The following NOCT variants were observed in gnomAD, a reference collection of about 807,000 sequenced individuals.
NOCT encodes the protein CCR4 carbon catabolite repression 4-like.
In NOCT, 18 loss-of-function variants were observed where a neutral mutation model predicts 35.0. The ratio of observed to expected loss-of-function variants is 0.51; its 90% CI spans 0.36 to 0.76. The LOEUF (loss-of-function observed/expected upper bound fraction) is 0.76, where lower values mean the gene tolerates loss of function less well. Among genes scored for constraint, NOCT ranks in the 30% least tolerant of loss-of-function variants. The probability of loss-of-function intolerance (pLI) is 0.01; values close to 1 mark genes in which losing one functional copy is unlikely to be tolerated. For missense variants in NOCT, 479 were observed against 541.0 expected (o/e 0.89, Z 1.14); for synonymous variants, 235 against 226.3 (o/e 1.04, Z -0.34).
intron 1 of NOCT, among the ~76,000 whole-genome samples, chr4:139,022,542 C>T (rs1726436878): frequency 6.6e-6 from 1 of 152,108 alleles, no homozygotes; most frequent in Admixed American, 6.5e-5. Context: ...CTGACATAGG[C>T]TCCGGGTAGA....
At chr4:139,031,839 A>G (rs1726629977) in intron 1 of NOCT, among the ~76,000 whole-genome samples, 1 of 151,910 alleles carries the variant, frequency 6.6e-6, no homozygotes, top group Non-Finnish European at 1.5e-5. Flanking sequence ...CAGCCTCCCA[A>G]GTAGCTGGGA....
rs764569893 is a variant in NOCT at position 139,045,007 on chromosome 4, G to C, written c.829G>C (p.Gly277Arg). 8.1e-6 allele frequency: 13 copies of C among 1,614,256 alleles called. No individual in the cohort carries two copies. The highest frequency in any genetic ancestry group is 1.1e-5 in the Non-Finnish European group (13 of 1,180,046). ...IAQTLECKES[G>R]RQFCIAVTHL... is the part of the protein sequence containing the mutation. ...ACAGACCCTGGAGTGCAAGGAGTCA[G>C]GCCGACAGTTCTGCATCGCTGTTAC... Residue 277 changes from glycine (G) to arginine (R), a missense_variant, in exon 3 of 3, where the codon GGC becomes CGC. Gly to Arg is a moderately radical substitution (Grantham distance 125). Coordinates refer to ENST00000280614, the MANE Select transcript of NOCT (RefSeq NM_012118.4).
intron 1 of NOCT, among the ~76,000 whole-genome samples, chr4:139,017,845 G>A (rs1199931731): frequency 6.6e-6 from 1 of 152,036 alleles, no homozygotes; most frequent in African/African-American, 2.4e-5. Flanking sequence ...TTTAAAAATG[G>A]TCATCTGGAA....
chr4:139,015,932 G>A lies in NOCT; in HGVS notation c.-50G>A. ...GACTCGGTGCCCTCGGCCCCAGCCG[G>A]GCTCCGCTCCTCGGGCGCGCGAGGG... On this transcript the variant is annotated 5_prime_UTR_variant, in exon 1 of 3. Coordinates refer to ENST00000280614, the MANE Select transcript of NOCT (RefSeq NM_012118.4). 7.8e-7 allele frequency: 1 copy of A among 1,288,254 alleles called. No homozygotes were observed. Among genetic ancestry groups the A allele is most frequent in the East Asian group, 3.3e-5 (1 of 30,564 alleles). The allele number at this position is 1,288,254 out of a possible 1,614,324, so 79.8% of individuals were successfully genotyped here. A position where few individuals can be genotyped will look rare whatever the true frequency, so the allele number is the denominator to read the frequency against.
At chr4:139,028,545 G>A (rs541920482) in intron 1 of NOCT, among the ~76,000 whole-genome samples, 24 of 152,366 alleles carry the variant, frequency 1.6e-4, no homozygotes, top group African/African-American at 5.8e-4. Context: ...TGGAGGAGGT[G>A]CAACTCGACC....
In NOCT at chr4:139,045,281, C is replaced by T. The variant is rs757896028; in HGVS notation, c.1103C>T (p.Thr368Ile). 18 of 1,614,118 alleles carry T rather than the reference C, an allele frequency of 1.1e-5. No homozygotes were observed. In the South Asian group the frequency reaches 1.5e-4, roughly 14 times the overall value. Residue 368 changes from threonine to isoleucine, a missense_variant, in exon 3 of 3, where the codon ACC becomes ATC. By Grantham distance (89) the Thr-to-Ile change is moderately conservative. Around this residue, in one of 2 missense-constraint regions of NOCT, gnomAD observed 214 missense variants for 284.0 expected, o/e 0.75. Coordinates refer to ENST00000280614, the MANE Select transcript of NOCT (RefSeq NM_012118.4). ...EPPYTTWKIR[T>I]SGECRHTLDY... ...CCATACACTACCTGGAAGATCCGGACCTCAGGGGAGTGCAGGCACACCCTG... is the reference window on the plus strand; with the variant it reads ...CCATACACTACCTGGAAGATCCGGATCTCAGGGGAGTGCAGGCACACCCTG...
chr4:139,022,138 A>G (rs1160130259), intron 1 of NOCT, among the ~76,000 whole-genome samples: 1 of 152,224 alleles, frequency 6.6e-6, no homozygotes, highest in Non-Finnish European at 1.5e-5. Flanking sequence ...TTTGAAGGAC[A>G]GTGTGCCTGG....
intron 1 of NOCT, among the ~76,000 whole-genome samples, chr4:139,040,127 G>A (rs1726810034): frequency 1.4e-5 from 2 of 145,828 alleles, no homozygotes; most frequent in East Asian, 2.1e-4. Context: ...TGCAAGCTCC[G>A]CCTCCCGGGA....
Position 139,016,119 on chromosome 4 carries a change from G to T in NOCT, c.138G>T (p.Leu46=). The T allele has an allele frequency of 7.7e-7, 1 of 1,305,310 alleles. No individual in the cohort carries two copies. The highest frequency in any genetic ancestry group is 9.7e-7 in the Non-Finnish European group (1 of 1,027,626). 80.9% of individuals were successfully genotyped at this position (1,305,310 alleles called of 1,614,324 possible). The change falls in exon 1 of 3, where the codon CTG becomes CTT. Residue 46 remains leucine (L), a synonymous_variant. Transcript: ENST00000280614. ...AAVPRPASPR[L]LAAASAASGA... is the part of the protein sequence containing the mutation. ...TTCCCAGGCCCGCATCCCCCCGGCT[G>T]CTGGCGGCGGCCTCGGCGGCCTCGG...
intron 1 of NOCT, among the ~76,000 whole-genome samples, chr4:139,036,543 C>G (rs1354366675): frequency 6.6e-6 from 1 of 152,160 alleles, no homozygotes; most frequent in African/African-American, 2.4e-5. Flanking sequence ...TTTTCGAAGT[C>G]CTTTTCTGGT....
rs1578633741 is a variant in NOCT, at chr4:139,042,069, A to C, written c.191-1005A>C. Among the ~76,000 whole-genome samples, 3 of 98,668 alleles carry C rather than the reference A, an allele frequency of 3.0e-5. No homozygotes were observed. In the South Asian group the frequency reaches 1.0e-3, roughly 33 times the overall value. The allele number at this position is 98,668 out of a possible 152,430, so 64.7% of individuals were successfully genotyped here. On this transcript the variant is annotated intron_variant, in intron 1 of 2. Transcript: ENST00000280614. ...CACTTTTTACAAACTAGTCTTTAAG[A>C]TCTTTTTTTTTTTTTTTTTTTTGAG...
At chr4:139,037,913 A>C (rs1726763266) in intron 1 of NOCT, among the ~76,000 whole-genome samples, 1 of 151,734 alleles carries the variant, frequency 6.6e-6, no homozygotes, top group Non-Finnish European at 1.5e-5. Flanking sequence ...GGAAAAAAAA[A>C]AAAAAGGCTG....
chr4:139,026,250 C>T (rs1404393220), intron 1 of NOCT, among the ~76,000 whole-genome samples: 7 of 151,992 alleles, frequency 4.6e-5, no homozygotes, highest in African/African-American at 1.4e-4. Context: ...TACAGGCATG[C>T]GCTACCACGC....
At chr4:139,016,599 T>C (rs906066294) in intron 1 of NOCT, among the ~76,000 whole-genome samples, 1 of 151,832 alleles carries the variant, frequency 6.6e-6, no homozygotes, top group Non-Finnish European at 1.5e-5. Flanking sequence ...ATTAAGTTTT[T>C]TTTTTAAGTC....
chr4:139,028,188 G>A (rs549642877), intron 1 of NOCT: 2 of 152,236 alleles, frequency 1.3e-5, no homozygotes, highest in Non-Finnish European at 2.9e-5. Context: ...TCAGCCAATA[G>A]ACAATTGAGC....
At chr4:139,022,525 G>A (rs1229412009) in intron 1 of NOCT, among the ~76,000 whole-genome samples, 3 of 152,252 alleles carry the variant, frequency 2.0e-5, no homozygotes, top group Admixed American at 2.0e-4. Flanking sequence ...CTGAGCATCT[G>A]CTGATTCTGA....
intron 1 of NOCT, among the ~76,000 whole-genome samples, chr4:139,038,255 G>C (rs1259381426): frequency 6.6e-6 from 1 of 151,908 alleles, no homozygotes; most frequent in Non-Finnish European, 1.5e-5. Flanking sequence ...GGTCTAGAGA[G>C]TTGTGGCACA....
At position 139,045,247 on chromosome 4, in the gene NOCT, T is replaced by A; in HGVS notation, c.1069T>A (p.Ser357Thr). ...AYKLLSADGQ[S>T]EPPYTTWKIR... Reference sequence around the variant, plus strand: ...CAAGCTGCTGAGTGCTGATGGGCAGTCAGAACCCCCATACACTACCTGGAA... The same window carrying A: ...CAAGCTGCTGAGTGCTGATGGGCAGACAGAACCCCCATACACTACCTGGAA... Residue 357 changes from serine (S) to threonine (T), a missense_variant, in exon 3 of 3, where the codon TCA becomes ACA. Physicochemically the swap from Ser to Thr is moderately conservative, Grantham distance 58 (BLOSUM62 1). This residue lies in a region of NOCT where 214 missense variants were observed against 284.0 expected (regional missense o/e 0.75). Transcript: ENST00000280614. The A allele has an allele frequency of 5.0e-6, 8 of 1,614,130 alleles. No homozygotes were observed. Among genetic ancestry groups the A allele is most frequent in the Non-Finnish European group, 6.8e-6 (8 of 1,180,024 alleles).
rs1003871793 is a variant in NOCT at position 139,042,938 on chromosome 4, A to T, written c.191-136A>T. On this transcript the variant is annotated intron_variant, in intron 1 of 2. Transcript: ENST00000280614. ...TCAAAAAAAAAAAAAAAGAAAAAAG[A>T]AATGGCTTTATACACTATTATGGCA... 4 of 699,996 alleles carry T rather than the reference A, an allele frequency of 5.7e-6. 1 individual carries two copies. The highest frequency in any genetic ancestry group is 8.8e-6 in the Non-Finnish European group (4 of 453,352). 43.4% of individuals were successfully genotyped at this position (699,996 alleles called of 1,614,324 possible). A position where few individuals can be genotyped will look rare whatever the true frequency, so the allele number is the denominator to read the frequency against.
Sources: allele counts gnomAD v4.1 joint callset (sites outside exome capture counted in the v4.1 genomes callset), GRCh38; gene constraint gnomAD v4.1.1; regional missense constraint gnomAD v4.1.1; transcripts MANE v1.5; gene names NCBI Gene and HGNC (gene_info 2026-07-23, HGNC 2026-07-21).